The following PDE6B variants were observed in gnomAD, a reference collection of about 807,000 sequenced individuals.
The protein encoded by PDE6B is phosphodiesterase 6B, also known as rod cGMP-specific 3',5'-cyclic phosphodiesterase subunit beta.
Under a neutral mutation model 109.0 loss-of-function variants are expected in PDE6B, and 106 were observed. The observed-to-expected ratio is 0.97, with a 90% CI of 0.83 to 1.14. PDE6B has a LOEUF of 1.14. Among genes scored for constraint, PDE6B ranks in the 50% most tolerant of loss-of-function variants. The pLI, the probability that PDE6B is intolerant of heterozygous loss-of-function variation, is 0.00. For synonymous variants in PDE6B, 490 were observed against 471.3 expected, an observed-to-expected ratio of 1.04 and a Z score of -0.51; for missense variants, 1,193 against 1,155.6, an observed-to-expected ratio of 1.03 and a Z score of -0.47.
At chr4:664,368 G>T (rs1285759598) in intron 17 of PDE6B, 147 bp downstream of exon 17, 2 of 694,060 alleles carry the variant, frequency 2.9e-6, no homozygotes, top group South Asian at 1.5e-5. Flanking sequence ...TGAAACAAAT[G>T]CGCCGTCCTT....
chr4:660,504 A>T lies in PDE6B; in HGVS notation c.1505A>T (p.Tyr502Phe). 6.2e-7 allele frequency: 1 copy of T among 1,613,914 alleles called. No homozygotes were observed. Among genetic ancestry groups the T allele is most frequent in the East Asian group, 2.2e-5 (1 of 44,876 alleles). ...CCAGGGCCCACCACATTTGACATCT[A>T]CGAATTCCACTTCTCTGACCTGGAG... ...ELPGPTTFDI[Y>F]EFHFSDLECT... The change falls in exon 12 of 22, where the codon TAC becomes TTC. Residue 502 changes from tyrosine to phenylalanine, a missense_variant. Tyr to Phe is a conservative substitution (Grantham distance 22, BLOSUM62 3). Transcript: ENST00000496514.
intron 3 of PDE6B, among the ~76,000 whole-genome samples, chr4:637,893 T>C (rs113124204): frequency 1.3e-5 from 2 of 152,356 alleles, no homozygotes; most frequent in African/African-American, 4.8e-5. Context: ...GCCTGGGAGC[T>C]GTCCTCCGCA....
At chr4:660,418 T>G in intron 11 of PDE6B, 49 bp from the exon 12 acceptor site, 1 of 1,594,700 alleles carries the variant, frequency 6.3e-7, no homozygotes, top group Non-Finnish European at 8.6e-7. Flanking sequence ...GAGAAGCAAG[T>G]GGGGGCTGTG....
intron 20 of PDE6B, among the ~76,000 whole-genome samples, chr4:667,347 G>A (rs1737911606): frequency 6.6e-6 from 1 of 152,192 alleles, no homozygotes; most frequent in African/African-American, 2.4e-5. Flanking sequence ...GAGAAGGTGG[G>A]ACAAGGGTGG....
intron 6 of PDE6B, 106 bp from the exon 7 acceptor site, chr4:655,834 A>G: frequency 1.3e-6 from 1 of 780,742 alleles, no homozygotes; most frequent in Non-Finnish European, 2.3e-6. Context: ...CGTGCAGCCT[A>G]GACCAGCCCC....
At position 666,479 on chromosome 4, in the gene PDE6B, C is replaced by T. The variant is rs557459551; in HGVS notation, c.2269-52C>T. On this transcript the variant is annotated intron_variant, in intron 19 of 21. Coordinates refer to ENST00000496514, the MANE Select transcript of PDE6B (RefSeq NM_000283.4). The surrounding 1 kb of genome is among the most constrained non-coding windows in gnomAD (Gnocchi z 5.6). ...GGGGTCGGGGGGCTGGGCGGGGCCC[C>T]AGGAGCTGCCTCCCTGGTCACTGTT... The T allele has an allele frequency of 7.7e-7, 1 of 1,302,070 alleles. No homozygotes were observed. Among genetic ancestry groups the T allele is most frequent in the East Asian group, 2.3e-5 (1 of 43,410 alleles). The allele number at this position is 1,302,070 out of a possible 1,614,324, so 80.7% of individuals were successfully genotyped here.
chr4:668,147 C>A, intron 21 of PDE6B, 141 bp downstream of exon 21: 1 of 813,414 alleles, frequency 1.2e-6, no homozygotes, highest in Non-Finnish European at 1.9e-6. Context: ...GGCCACAGTG[C>A]AGGGAGAGAG....
chr4:650,702 C>T (rs901950078), intron 3 of PDE6B, among the ~76,000 whole-genome samples: 15 of 152,036 alleles, frequency 9.9e-5, no homozygotes, highest in African/African-American at 3.6e-4. Flanking sequence ...CTGGAGGCTG[C>T]GGAGGCGAGA....
Position 636,108 on chromosome 4 carries a change from G to T in PDE6B, c.711+139G>T. 1 of 666,946 alleles carries T rather than the reference G, an allele frequency of 1.5e-6. No homozygotes were observed. The allele number at this position is 666,946 out of a possible 1,614,324, so 41.3% of individuals were successfully genotyped here. On this transcript the variant is annotated intron_variant, in intron 3 of 21. Coordinates refer to ENST00000496514, the MANE Select transcript of PDE6B (RefSeq NM_000283.4). The surrounding 1 kb of genome is among the most constrained non-coding windows in gnomAD (Gnocchi z 4.5). ...CCTGGGGTGGGCATTGCTCAGGGGA[G>T]AGGAGGGCTCCATGGCTTCTGTGGC...
At chr4:630,240 C>T (rs1434906443) in intron 1 of PDE6B, among the ~76,000 whole-genome samples, 1 of 152,052 alleles carries the variant, frequency 6.6e-6, no homozygotes, top group Non-Finnish European at 1.5e-5. Context: ...TCCCTGTGGC[C>T]GAGGGGAGTT....
chr4:635,794 G>A (rs542519695), intron 2 of PDE6B, 86 bp from the exon 3 acceptor site: 54 of 778,034 alleles, frequency 6.9e-5, no homozygotes, highest in Non-Finnish European at 1.0e-4. Flanking sequence ...ACCCTCAGGC[G>A]AGCATGTTTC....
In PDE6B at chr4:662,714, G is replaced by T. The variant is rs930090813; in HGVS notation, c.1832+96G>T. 3.5e-5 allele frequency: 29 copies of T among 834,196 alleles called. No individual in the cohort carries two copies. The highest frequency in any genetic ancestry group is 1.2e-4 in the African/African-American group (7 of 59,624). 51.7% of individuals were successfully genotyped at this position (834,196 alleles called of 1,614,324 possible). The stretch of plus-strand genomic sequence containing the variant: ...CGCATAGCAGGCTATGTAGAAAGTG[G>T]AGTCCACGGCCAGGCCCCGTACTCC... On this transcript the variant is annotated intron_variant, in intron 14 of 21. Coordinates refer to ENST00000496514, the MANE Select transcript of PDE6B (RefSeq NM_000283.4). The surrounding 1 kb of genome is among the most constrained non-coding windows in gnomAD (Gnocchi z 4.3).
chr4:655,804 CT>C (rs1347216488), intron 6 of PDE6B, 135 bp from the exon 7 acceptor site: 24 of 733,880 alleles, frequency 3.3e-5, no homozygotes, highest in African/African-American at 1.9e-4. Flanking sequence ...AGACCAGCCC[CT>C]CTGACCCCTG....
At position 636,978 on chromosome 4, in the gene PDE6B, T is replaced by A. The variant is rs990936781; in HGVS notation, c.711+1009T>A. On this transcript the variant is annotated intron_variant, in intron 3 of 21. Coordinates refer to ENST00000496514, the MANE Select transcript of PDE6B (RefSeq NM_000283.4). This position sits in a 1 kb window ranked among gnomAD's most constrained non-coding sequence, Gnocchi z 4.5. ...TGGGAACCAGGGACCAGGGAGAGCA[T>A]CTGTGTAATGTATCTGGAATTCTTT... 2.0e-5 allele frequency among the ~76,000 whole-genome samples: 3 copies of A among 152,234 alleles called. No individual in the cohort carries two copies. Among genetic ancestry groups the A allele is most frequent in the African/African-American group, 7.2e-5 (3 of 41,456 alleles).
At chr4:656,053 G>A (rs2109208498) in intron 7 of PDE6B, 47 bp downstream of exon 7, 2 of 1,230,414 alleles carry the variant, frequency 1.6e-6, no homozygotes, top group Non-Finnish European at 2.4e-6. Flanking sequence ...CCCTCACTGG[G>A]TGCGGCGATG....
chr4:659,698 TTGTGTGTG>T (rs60213456), intron 11 of PDE6B, among the ~76,000 whole-genome samples: 2 of 149,184 alleles, frequency 1.3e-5, no homozygotes, highest in Non-Finnish European at 3.0e-5. Flanking sequence ...ACATGGGCGT[TTGTGTGTG>T]TGTGCCCGTG....
intron 2 of PDE6B, among the ~76,000 whole-genome samples, chr4:635,279 G>T (rs1389751168): frequency 1.5e-5 from 2 of 130,890 alleles, no homozygotes; most frequent in Admixed American, 7.8e-5. Flanking sequence ...CTGCGCGTCT[G>T]CCTCCCTGCC....
chr4:665,389 C>G lies in PDE6B; in HGVS notation c.2268+60C>G, dbSNP rs1375691436. On this transcript the variant is annotated intron_variant, in intron 19 of 21. Coordinates refer to ENST00000496514, the MANE Select transcript of PDE6B (RefSeq NM_000283.4). This position sits in a 1 kb window ranked among gnomAD's most constrained non-coding sequence, Gnocchi z 4.0. ...ACGGGTGTTAGAGACCCCTCTTGGT[C>G]CTCAGGAGCCTCAGGTCCTGGCTTG... 22 of 1,110,256 alleles carry G rather than the reference C, an allele frequency of 2.0e-5. No individual in the cohort carries two copies. The highest frequency in any genetic ancestry group is 2.6e-5 in the Non-Finnish European group (19 of 727,956). The allele number at this position is 1,110,256 out of a possible 1,614,324, so 68.8% of individuals were successfully genotyped here. A position where few individuals can be genotyped will look rare whatever the true frequency, so the allele number is the denominator to read the frequency against.
At position 656,559 on chromosome 4, in the gene PDE6B, CT is replaced by C. The variant is rs538741476; in HGVS notation, c.1107+268del. On this transcript the variant is annotated intron_variant, in intron 8 of 21. Transcript: ENST00000496514. The stretch of plus-strand genomic sequence containing the variant: ...CCGTGACCGCGGCCCCCACACACCC[CT>C]GCGAGGCCGTGACCGCGGCCCCCAC... Among the ~76,000 whole-genome samples the C allele has an allele frequency of 7.8e-3, 1,175 of 151,248 alleles. 38 individuals are homozygous for C. Among genetic ancestry groups the C allele is most frequent in the African/African-American group, 0.028 (1,134 of 40,700 alleles).
Sources: gnomAD v4.1 joint callset for allele counts (sites outside exome capture counted in the v4.1 genomes callset) on GRCh38, gnomAD v4.1.1 for gene constraint, Gnocchi (gnomAD v3.1) non-coding constraint, MANE v1.5 for transcripts, NCBI Gene and HGNC (gene_info 2026-07-23, HGNC 2026-07-21) for gene names.